Variants in HIPK2 observed in about 807,000 individuals in gnomAD.
HIPK2 encodes homeodomain interacting protein kinase 2.
Under a neutral mutation model 113.7 loss-of-function variants are expected in HIPK2, and 27 were observed. The observed-to-expected ratio is 0.24, with a 90% CI of 0.17 to 0.33. The LOEUF (loss-of-function observed/expected upper bound fraction) is 0.33, where lower values mean the gene tolerates loss of function less well. Ranked by LOEUF, HIPK2 falls within the 10% of genes least tolerant of loss-of-function variation. The probability of loss-of-function intolerance (pLI) is 1.00; values close to 1 mark genes in which losing one functional copy is unlikely to be tolerated. For missense variants in HIPK2, 1,257 were observed against 1,588.0 expected (o/e 0.79, Z 3.54); for synonymous variants, 631 against 642.2 (o/e 0.98, Z 0.26).
At chr7:139,648,724 CG>C (rs1202990564) in intron 2 of HIPK2, among the ~76,000 whole-genome samples, 1 of 152,070 alleles carries the variant, frequency 6.6e-6, no homozygotes, top group Non-Finnish European at 1.5e-5. Flanking sequence ...GGACGGAGGA[CG>C]GCTCTTGGGA....
intron 1 of HIPK2, among the ~76,000 whole-genome samples, chr7:139,718,931 C>A (rs754855848): frequency 6.6e-6 from 1 of 152,168 alleles, no homozygotes. Flanking sequence ...GCACTATAGG[C>A]TCCTGTTCTT....
chr7:139,648,738 G>A (rs1307201280), intron 2 of HIPK2, among the ~76,000 whole-genome samples: 1 of 151,904 alleles, frequency 6.6e-6, no homozygotes, highest in Non-Finnish European at 1.5e-5. Context: ...TCTTGGGATT[G>A]TCTTGCTTGG....
intron 7 of HIPK2, among the ~76,000 whole-genome samples, chr7:139,619,569 A>C (rs1800166388): frequency 6.6e-6 from 1 of 152,122 alleles, no homozygotes; most frequent in African/African-American, 2.4e-5. Flanking sequence ...AGCTGCTGGG[A>C]TTCTGGTGAC....
At chr7:139,632,213 T>C (rs1331833892) in intron 2 of HIPK2, among the ~76,000 whole-genome samples, 2 of 152,184 alleles carry the variant, frequency 1.3e-5, no homozygotes, top group Non-Finnish European at 2.9e-5. Context: ...TTCACAGGCA[T>C]GATCATAGCT....
At chr7:139,629,275 G>C (rs1044548798) in intron 4 of HIPK2, among the ~76,000 whole-genome samples, 8 of 152,166 alleles carry the variant, frequency 5.3e-5, no homozygotes, top group African/African-American at 1.9e-4. Flanking sequence ...GTATGGAGCA[G>C]TCTTGCTCCA....
intron 13 of HIPK2, among the ~76,000 whole-genome samples, chr7:139,579,798 CAA>C (rs1162435969): frequency 2.6e-5 from 4 of 152,164 alleles, no homozygotes; most frequent in African/African-American, 9.7e-5. Context: ...GCCGCAAATC[CAA>C]CCGTGCATTT....
intron 2 of HIPK2, among the ~76,000 whole-genome samples, chr7:139,642,153 C>T (rs1219414389): frequency 2.0e-5 from 3 of 152,172 alleles, no homozygotes; most frequent in African/African-American, 7.2e-5. Flanking sequence ...TGAAAGTAAC[C>T]TCAGTATGGC....
At chr7:139,717,049 G>C in intron 1 of HIPK2, 34 bp from the exon 2 acceptor site, 3 of 1,579,230 alleles carry the variant, frequency 1.9e-6, no homozygotes, top group Non-Finnish European at 2.6e-6. Flanking sequence ...GTAAGTATCG[G>C]AGTCACCTTG....
chr7:139,604,082 T>G lies in HIPK2; in HGVS notation c.2254A>C (p.Arg752=). The change falls in exon 10 of 15, where the codon AGA becomes CGA. Residue 752 remains arginine (R), a splice_region_variant and synonymous_variant. Coordinates refer to ENST00000406875, the MANE Select transcript of HIPK2 (RefSeq NM_022740.5). ...MAGTQQLADW[R]NTHAHGSHYN... is the part of the protein sequence containing the mutation. ...ACCCTAGAGGGGTTTCCTGCTTACC[T>G]CCAGTCCGCCAGCTGCTGGGTGCCT... The G allele has an allele frequency of 6.2e-7, 1 of 1,613,610 alleles. No homozygotes were observed. The highest frequency in any genetic ancestry group is 8.5e-7 in the Non-Finnish European group (1 of 1,179,774).
At chr7:139,753,278 C>T (rs1796310036) in intron 1 of HIPK2, among the ~76,000 whole-genome samples, 2 of 152,142 alleles carry the variant, frequency 1.3e-5, no homozygotes, top group Admixed American at 1.3e-4. Flanking sequence ...AGCTGAGTGG[C>T]AGGTAATAAA....
intron 2 of HIPK2, among the ~76,000 whole-genome samples, chr7:139,698,525 G>A (rs1399025546): frequency 6.6e-6 from 1 of 152,160 alleles, no homozygotes; most frequent in Admixed American, 6.5e-5. Context: ...CGTTTTTGAC[G>A]AACTGCCAAA....
intron 1 of HIPK2, among the ~76,000 whole-genome samples, chr7:139,725,942 C>A (rs774254388): frequency 2.0e-5 from 3 of 152,072 alleles, no homozygotes; most frequent in Non-Finnish European, 4.4e-5. Context: ...CACCAAACAA[C>A]GAGATGAGTC....
intron 12 of HIPK2, among the ~76,000 whole-genome samples, chr7:139,589,144 G>A (rs1798934324): frequency 6.6e-6 from 1 of 152,110 alleles, no homozygotes; most frequent in Non-Finnish European, 1.5e-5. Flanking sequence ...TCTGGACAGT[G>A]GCCTGGATAA....
chr7:139,600,785 G>C (rs537640196), intron 10 of HIPK2, among the ~76,000 whole-genome samples, 189 bp from the exon 11 acceptor site: 105 of 152,306 alleles, frequency 6.9e-4, no homozygotes, highest in African/African-American at 2.4e-3. Context: ...ATAAGGAGTA[G>C]GTGAAACATA....
chr7:139,702,669 T>C (rs1481532119), intron 2 of HIPK2, among the ~76,000 whole-genome samples: 5 of 152,304 alleles, frequency 3.3e-5, no homozygotes, highest in South Asian at 2.1e-4. Flanking sequence ...GTCTCATGCA[T>C]GGGCATGCAG....
intron 1 of HIPK2, among the ~76,000 whole-genome samples, chr7:139,734,788 T>C (rs1795892035): frequency 6.6e-6 from 1 of 152,196 alleles, no homozygotes; most frequent in Non-Finnish European, 1.5e-5. Context: ...TTGTATGGTG[T>C]TTTAGATTGT....
intron 14 of HIPK2, 73 bp from the exon 15 acceptor site, chr7:139,573,470 G>A: frequency 7.3e-7 from 1 of 1,360,846 alleles, no homozygotes; most frequent in Non-Finnish European, 1.0e-6. Flanking sequence ...GGAGGGGCAG[G>A]AGGGCAGGGA....
intron 2 of HIPK2, among the ~76,000 whole-genome samples, chr7:139,666,995 G>A (rs773549443): frequency 3.6e-4 from 54 of 151,822 alleles, no homozygotes; most frequent in Non-Finnish European, 6.3e-4. Flanking sequence ...TTGTTGGGGG[G>A]CAGAGGTTGC....
intron 1 of HIPK2, 93 bp from the exon 2 acceptor site, chr7:139,717,108 G>C (rs1795270977): frequency 1.4e-6 from 2 of 1,435,478 alleles, no homozygotes. Context: ...TGTGGCTTGG[G>C]CCATACAGAA....
Sources: allele counts gnomAD v4.1 joint callset (sites outside exome capture counted in the v4.1 genomes callset), GRCh38; gene constraint gnomAD v4.1.1; transcripts MANE v1.5; gene names NCBI Gene and HGNC (gene_info 2026-07-23, HGNC 2026-07-21).